SGCZ: variants seen among roughly 807,000 people sequenced by gnomAD.
SGCZ encodes the protein sarcoglycan zeta, also known as zeta-sarcoglycan.
A neutral mutation model predicts 41.3 loss-of-function variants in SGCZ; 40 were observed. The observed-to-expected ratio is 0.97, with a 90% CI of 0.75 to 1.26. The LOEUF is 1.26. Among genes scored for constraint, SGCZ ranks in the 50% most tolerant of loss-of-function variants. The pLI, the probability that SGCZ is intolerant of heterozygous loss-of-function variation, is 0.00. For synonymous variants in SGCZ, 206 were observed against 137.5 expected, an observed-to-expected ratio of 1.50 and a Z score of -3.49; for missense variants, 552 against 369.8, an observed-to-expected ratio of 1.49 and a Z score of -4.04.
rs555601948 is a variant in SGCZ at position 15,089,942 on chromosome 8, G to A, written c.39+147643C>T. On this transcript the variant is annotated intron_variant, in intron 1 of 7. Coordinates refer to ENST00000382080, the MANE Select transcript of SGCZ (RefSeq NM_139167.4). ...TGTAGGCATTTTTTCACTAAATATA[G>A]GTCAAACATATTGTGTGAGATAATA... Among the ~76,000 whole-genome samples, 24 of 152,216 alleles carry A rather than the reference G, an allele frequency of 1.6e-4. 1 individual carries two copies. The East Asian group carries it at 2.7e-3, about 17-fold the overall frequency.
At chr8:14,845,743 G>C (rs1803078043) in intron 1 of SGCZ, among the ~76,000 whole-genome samples, 1 of 152,078 alleles carries the variant, frequency 6.6e-6, no homozygotes, top group Admixed American at 6.6e-5. Context: ...GAGAAGAAAA[G>C]ACTAGTGAAC....
At chr8:14,348,111 G>C (rs1308172324) in intron 2 of SGCZ, among the ~76,000 whole-genome samples, 1 of 151,958 alleles carries the variant, frequency 6.6e-6, no homozygotes, top group Non-Finnish European at 1.5e-5. Context: ...ACTTCAAGGT[G>C]GTTCATCTGC....
At chr8:14,688,926 A>G (rs1203196118) in intron 1 of SGCZ, among the ~76,000 whole-genome samples, 1 of 152,172 alleles carries the variant, frequency 6.6e-6, no homozygotes, top group Non-Finnish European at 1.5e-5. Context: ...CTCAGGATAC[A>G]AAATCAATAT....
At chr8:15,230,715 G>A (rs1363281054) in intron 1 of SGCZ, among the ~76,000 whole-genome samples, 1 of 152,194 alleles carries the variant, frequency 6.6e-6, no homozygotes, top group Non-Finnish European at 1.5e-5. Flanking sequence ...CATGGTCCCA[G>A]AGTCAACTGC....
At chr8:14,993,176 G>A (rs1444362920) in intron 1 of SGCZ, among the ~76,000 whole-genome samples, 1 of 152,142 alleles carries the variant, frequency 6.6e-6, no homozygotes, top group Non-Finnish European at 1.5e-5. Flanking sequence ...CTTGAGGTTA[G>A]TCTGACAGCC....
intron 1 of SGCZ, among the ~76,000 whole-genome samples, chr8:15,054,800 C>CAA (rs550396890): frequency 7.1e-6 from 1 of 141,456 alleles, no homozygotes; most frequent in Non-Finnish European, 1.5e-5. Context: ...TAAAAAAATA[C>CAA]AAAAAAAAAA....
At chr8:14,314,987 T>G (rs1391720055) in intron 3 of SGCZ, among the ~76,000 whole-genome samples, 1 of 152,122 alleles carries the variant, frequency 6.6e-6, no homozygotes, top group Non-Finnish European at 1.5e-5. Context: ...CAAGTCCCAT[T>G]ATGTCTAATG....
chr8:14,589,331 G>C (rs931885859), intron 1 of SGCZ, among the ~76,000 whole-genome samples: 10 of 133,380 alleles, frequency 7.5e-5, no homozygotes, highest in Admixed American at 6.6e-4. Context: ...GGATGACAGA[G>C]TGAGACTCCA....
At chr8:14,588,221 A>T (rs1805124402) in intron 1 of SGCZ, among the ~76,000 whole-genome samples, 1 of 150,786 alleles carries the variant, frequency 6.6e-6, no homozygotes. Context: ...AAACTGCCTC[A>T]TCCATCTGCT....
intron 1 of SGCZ, among the ~76,000 whole-genome samples, chr8:14,975,496 C>T (rs1801436776): frequency 1.3e-5 from 2 of 152,024 alleles, no homozygotes; most frequent in African/African-American, 4.8e-5. Context: ...CTAGATTTTT[C>T]CCTAAATGAG....
intron 1 of SGCZ, among the ~76,000 whole-genome samples, chr8:14,585,448 C>A (rs866397847): frequency 6.6e-6 from 1 of 151,976 alleles, no homozygotes; most frequent in Admixed American, 6.6e-5. Context: ...CATTGTAGGG[C>A]TACACAACTA....
At position 14,875,547 on chromosome 8, in the gene SGCZ, G is replaced by A. The variant is rs564688630; in HGVS notation, c.40-320621C>T. On this transcript the variant is annotated intron_variant, in intron 1 of 7. Coordinates refer to ENST00000382080, the MANE Select transcript of SGCZ (RefSeq NM_139167.4). ...ACCTGAAAACCAGAGAGAACAATAC[G>A]AAAAGCACGTGTTAAGAGTAGCTGG... Among the ~76,000 whole-genome samples, 29 of 152,186 alleles carry A rather than the reference G, an allele frequency of 1.9e-4. No individual in the cohort carries two copies. In the East Asian group the frequency reaches 3.5e-3, roughly 18 times the overall value.
chr8:14,646,224 GC>G (rs142863672), intron 1 of SGCZ, among the ~76,000 whole-genome samples: 16,326 of 151,752 alleles, frequency 0.11, 1,060 homozygotes, highest in African/African-American at 0.19. Flanking sequence ...TCTAGTAGTT[GC>G]CAGTATCTAC....
At chr8:14,458,335 A>G (rs1028349953) in intron 2 of SGCZ, among the ~76,000 whole-genome samples, 1 of 152,216 alleles carries the variant, frequency 6.6e-6, no homozygotes, top group Non-Finnish European at 1.5e-5. Flanking sequence ...TTTACTGGAT[A>G]TCATAATGCC....
At chr8:14,620,624 C>T (rs1420669709) in intron 1 of SGCZ, among the ~76,000 whole-genome samples, 1 of 152,100 alleles carries the variant, frequency 6.6e-6, no homozygotes, top group African/African-American at 2.4e-5. Context: ...AACAAGTGGG[C>T]AAAGGATACG....
intron 2 of SGCZ, among the ~76,000 whole-genome samples, chr8:14,446,875 G>A (rs1236740746): frequency 1.3e-5 from 2 of 152,040 alleles, no homozygotes; most frequent in African/African-American, 4.8e-5. Flanking sequence ...AAGATCACGA[G>A]GAGATTATAG....
intron 4 of SGCZ, among the ~76,000 whole-genome samples, chr8:14,169,278 G>A (rs865996168): frequency 2.6e-4 from 39 of 152,226 alleles, no homozygotes; most frequent in African/African-American, 9.1e-4. Flanking sequence ...GCCAGCTACT[G>A]TCTCCCCCTG....
rs144595903 is a variant in SGCZ at position 14,968,265 on chromosome 8, C to A, written c.39+269320G>T. 5.5e-3 allele frequency among the ~76,000 whole-genome samples: 831 copies of A among 152,172 alleles called. 7 individuals are homozygous for A. The highest frequency in any genetic ancestry group is 0.018 in the African/African-American group (766 of 41,532). On this transcript the variant is annotated intron_variant, in intron 1 of 7. Coordinates refer to ENST00000382080, the MANE Select transcript of SGCZ (RefSeq NM_139167.4). ...TATAGTGTACAACACAATTGTATTT[C>A]TATTAAGATTTTTGTGGCAGATTGA...
At chr8:14,543,989 G>T (rs1803547942) in intron 2 of SGCZ, among the ~76,000 whole-genome samples, 1 of 152,002 alleles carries the variant, frequency 6.6e-6, no homozygotes, top group Non-Finnish European at 1.5e-5. Flanking sequence ...CTACCCCAAA[G>T]CTTCACCTAT....
Sources: gnomAD v4.1 joint callset for allele counts (sites outside exome capture counted in the v4.1 genomes callset) on GRCh38, gnomAD v4.1.1 for gene constraint, MANE v1.5 for transcripts, NCBI Gene and HGNC (gene_info 2026-07-23, HGNC 2026-07-21) for gene names.